SLC8A3: variants seen among roughly 807,000 people sequenced by gnomAD.
The protein encoded by SLC8A3 is solute carrier family 8 member A3, also known as sodium/calcium exchanger 3.
In SLC8A3, 37 loss-of-function variants were observed where a neutral mutation model predicts 65.4. The observed-to-expected ratio is 0.57, with a 90% CI of 0.44 to 0.74. SLC8A3 has a LOEUF of 0.74. Ranked by LOEUF, SLC8A3 falls within the 30% of genes least tolerant of loss-of-function variation. The pLI is 0.00. For missense variants in SLC8A3, 1,112 were observed against 1,172.1 expected, an observed-to-expected ratio of 0.95 and a Z score of 0.75; for synonymous variants, 461 against 444.5, an observed-to-expected ratio of 1.04 and a Z score of -0.47.
chr14:70,054,811 C>T (rs181067284), intron 3 of SLC8A3, among the ~76,000 whole-genome samples: 1 of 152,244 alleles, frequency 6.6e-6, no homozygotes, highest in Non-Finnish European at 1.5e-5. Context: ...TACACCGCCC[C>T]TTCCTGAACC....
chr14:70,172,561 G>T (rs1897615671), intron 1 of SLC8A3, among the ~76,000 whole-genome samples: 1 of 151,954 alleles, frequency 6.6e-6, no homozygotes, highest in South Asian at 2.1e-4. Flanking sequence ...TACTGGGGTT[G>T]TTCTGGCTGC....
intron 2 of SLC8A3, among the ~76,000 whole-genome samples, chr14:70,062,927 A>T (rs1344040401): frequency 6.6e-6 from 1 of 152,118 alleles, no homozygotes; most frequent in Non-Finnish European, 1.5e-5. Flanking sequence ...TTGGAAGGGG[A>T]AGGAACATTG....
intron 2 of SLC8A3, among the ~76,000 whole-genome samples, chr14:70,138,941 C>T (rs1594744976): frequency 6.6e-6 from 1 of 152,208 alleles, no homozygotes; most frequent in Non-Finnish European, 1.5e-5. Context: ...CTGCCCAGTG[C>T]CAGGCGCTGT....
intron 2 of SLC8A3, among the ~76,000 whole-genome samples, chr14:70,144,212 G>T (rs1229406995): frequency 6.6e-6 from 1 of 150,606 alleles, no homozygotes. Flanking sequence ...AAAAGTCTCC[G>T]TCTGTTGCCA....
chr14:70,168,672 G>C (rs1361643966), intron 1 of SLC8A3, among the ~76,000 whole-genome samples, 188 bp from the exon 2 acceptor site: 1 of 152,214 alleles, frequency 6.6e-6, no homozygotes, highest in Non-Finnish European at 1.5e-5. Flanking sequence ...CAAACCATCT[G>C]GTGGAGACTC....
chr14:70,163,066 G>C (rs1026959311), intron 2 of SLC8A3, among the ~76,000 whole-genome samples: 1 of 152,170 alleles, frequency 6.6e-6, no homozygotes, highest in Non-Finnish European at 1.5e-5. Context: ...ATGTCAGCTT[G>C]TCTTATTCAC....
chr14:70,141,442 T>A (rs1277859386), intron 2 of SLC8A3, among the ~76,000 whole-genome samples: 1 of 152,208 alleles, frequency 6.6e-6, no homozygotes, highest in Non-Finnish European at 1.5e-5. Context: ...TTAGGTGACT[T>A]GCTGAAGTGT....
intron 2 of SLC8A3, among the ~76,000 whole-genome samples, chr14:70,136,354 C>G (rs1180733750): frequency 6.6e-6 from 1 of 152,186 alleles, no homozygotes; most frequent in East Asian, 1.9e-4. Context: ...TTACGCCACC[C>G]AGTATGTGGA....
At chr14:70,139,193 G>A (rs1261791735) in intron 2 of SLC8A3, among the ~76,000 whole-genome samples, 1 of 152,188 alleles carries the variant, frequency 6.6e-6, no homozygotes, top group African/African-American at 2.4e-5. Flanking sequence ...GAGAGAAGGA[G>A]GGGTGCCTGA....
intron 2 of SLC8A3, among the ~76,000 whole-genome samples, chr14:70,159,821 C>A (rs1896782755): frequency 6.6e-6 from 1 of 152,152 alleles, no homozygotes; most frequent in Admixed American, 6.5e-5. Flanking sequence ...AGGATGAGAC[C>A]CATTCATTTT....
intron 2 of SLC8A3, among the ~76,000 whole-genome samples, chr14:70,088,109 A>G (rs772624900): frequency 6.6e-6 from 1 of 152,192 alleles, no homozygotes; most frequent in African/African-American, 2.4e-5. Flanking sequence ...AGGGGCAGAG[A>G]TTAGGAAAAG....
intron 2 of SLC8A3, among the ~76,000 whole-genome samples, chr14:70,069,281 T>G (rs191706028): frequency 6.6e-6 from 1 of 152,188 alleles, no homozygotes; most frequent in African/African-American, 2.4e-5. Context: ...TGTATTGTAT[T>G]GTGAGTAGGT....
intron 3 of SLC8A3, among the ~76,000 whole-genome samples, chr14:70,057,993 G>T (rs897109774): frequency 2.0e-5 from 3 of 152,192 alleles, no homozygotes; most frequent in Non-Finnish European, 4.4e-5. Flanking sequence ...GCTCTCGGAA[G>T]TCCACTTCTA....
upstream of SLC8A3, among the ~76,000 whole-genome samples, chr14:70,189,273 G>A (rs1281035240): frequency 3.3e-5 from 5 of 151,614 alleles, no homozygotes; most frequent in Non-Finnish European, 7.4e-5. Flanking sequence ...CGCGCCTCCC[G>A]GCCGGCAGCA....
chr14:70,113,627 A>G (rs1047801802), intron 2 of SLC8A3, among the ~76,000 whole-genome samples: 47 of 152,304 alleles, frequency 3.1e-4, no homozygotes, highest in African/African-American at 1.1e-3. Context: ...TCTTACCTCA[A>G]TGTTGATCCC....
intron 2 of SLC8A3, among the ~76,000 whole-genome samples, chr14:70,117,691 T>C (rs1036775937): frequency 1.3e-5 from 2 of 152,176 alleles, no homozygotes; most frequent in Admixed American, 6.5e-5. Flanking sequence ...TTTCTAGTGA[T>C]AGTAGAGGAC....
chr14:70,087,500 C>T (rs552859345), intron 2 of SLC8A3, among the ~76,000 whole-genome samples: 10 of 152,306 alleles, frequency 6.6e-5, no homozygotes, highest in Non-Finnish European at 1.0e-4. Context: ...CATTTATCTG[C>T]ACTTTTTTTT....
chr14:70,076,201 C>G (rs1291690479), intron 2 of SLC8A3, among the ~76,000 whole-genome samples: 2 of 152,238 alleles, frequency 1.3e-5, no homozygotes, highest in Non-Finnish European at 2.9e-5. Context: ...CAGATAGTCT[C>G]ATGACCAGGT....
intron 2 of SLC8A3, among the ~76,000 whole-genome samples, chr14:70,144,360 G>A (rs1308060929): frequency 7.8e-6 from 1 of 127,476 alleles, no homozygotes; most frequent in East Asian, 2.2e-4. Context: ...GCCAGGCACA[G>A]TGCTCATGCC....
Sources: gnomAD v4.1 joint callset for allele counts (sites outside exome capture counted in the v4.1 genomes callset) on GRCh38, gnomAD v4.1.1 for gene constraint, MANE v1.5 for transcripts, NCBI Gene and HGNC (gene_info 2026-07-23, HGNC 2026-07-21) for gene names.